The following PCDHA7 variants were observed in gnomAD, a reference collection of about 807,000 sequenced individuals.
PCDHA7 encodes protocadherin alpha-7.
PCDHA7 carries 37 observed loss-of-function variants against 57.2 expected under a neutral mutation model. The observed-to-expected ratio is 0.65, with a 90% CI of 0.50 to 0.85. The LOEUF (loss-of-function observed/expected upper bound fraction) is 0.85, where lower values mean the gene tolerates loss of function less well. Among genes scored for constraint, PCDHA7 ranks in the 40% least tolerant of loss-of-function variants. The pLI is 0.00. For missense variants in PCDHA7, 1,188 were observed against 1,241.8 expected (o/e 0.96, Z 0.65); for synonymous variants, 553 against 558.8 (o/e 0.99, Z 0.15).
intron 3 of PCDHA7, 40 bp downstream of exon 3, chr5:140,982,603 G>A: frequency 6.2e-7 from 1 of 1,607,892 alleles, no homozygotes; most frequent in East Asian, 2.2e-5. Context: ...TTGGTTTCTG[G>A]AAAGTGATCA....
At chr5:140,867,314 G>A (rs2049881742) in intron 1 of PCDHA7, 1 of 151,958 alleles carries the variant, frequency 6.6e-6, no homozygotes, top group Admixed American at 6.6e-5. Flanking sequence ...ACTGTCATCT[G>A]GTCTAATGTT....
At chr5:140,846,834 G>C (rs1780700950) in intron 1 of PCDHA7, among the ~76,000 whole-genome samples, 1 of 149,596 alleles carries the variant, frequency 6.7e-6, no homozygotes, top group Non-Finnish European at 1.5e-5. Flanking sequence ...AAGAATATGA[G>C]TCACACAATG....
chr5:140,899,268 C>T (rs2067238736), intron 1 of PCDHA7, among the ~76,000 whole-genome samples: 1 of 152,078 alleles, frequency 6.6e-6, no homozygotes, highest in Non-Finnish European at 1.5e-5. Context: ...TGTCTTGTGG[C>T]AGTTTTCAAA....
chr5:140,850,760 G>T lies in PCDHA7; in HGVS notation c.2355+14022G>T. 1.3e-6 allele frequency: 2 copies of T among 1,598,100 alleles called. 1 individual carries two copies. The highest frequency in any genetic ancestry group is 1.7e-6 in the Non-Finnish European group (2 of 1,167,646). On this transcript the variant is annotated intron_variant, in intron 1 of 3. Coordinates refer to ENST00000525929, the MANE Select transcript of PCDHA7 (RefSeq NM_018910.3). ...GTTGGTCGTACTCGCAGCAGAGGAGGCAGAGGGTGTGCTCTGGCGAGGGTA... is the reference window on the plus strand; with the variant it reads ...GTTGGTCGTACTCGCAGCAGAGGAGTCAGAGGGTGTGCTCTGGCGAGGGTA...
At position 140,843,258 on chromosome 5, in the gene PCDHA7, G is replaced by T. The variant is rs2150356116; in HGVS notation, c.2355+6520G>T. 2 of 1,596,068 alleles carry T rather than the reference G, an allele frequency of 1.3e-6. 1 individual carries two copies. The highest frequency in any genetic ancestry group is 3.4e-5 in the Admixed American group (2 of 59,332). ...GACGAAGCGGACTCTCCGCGCCACC[G>T]TCTGCTGGTCCTGGTGAAGGATCAT... On this transcript the variant is annotated intron_variant, in intron 1 of 3. Coordinates refer to ENST00000525929, the MANE Select transcript of PCDHA7 (RefSeq NM_018910.3).
intron 1 of PCDHA7, among the ~76,000 whole-genome samples, chr5:140,954,268 A>C (rs1381458746): frequency 2.0e-5 from 3 of 152,224 alleles, no homozygotes; most frequent in African/African-American, 7.2e-5. Flanking sequence ...TCTTTATAAT[A>C]GGATGATTTA....
chr5:140,926,698 C>G, intron 1 of PCDHA7: 2 of 787,702 alleles, frequency 2.5e-6, no homozygotes, highest in Non-Finnish European at 3.6e-6. Context: ...AAGCCCGGCT[C>G]CCAGCTGGCC....
At chr5:140,884,667 G>A (rs1304262646) in intron 1 of PCDHA7, 4 of 1,568,684 alleles carry the variant, frequency 2.5e-6, no homozygotes, top group Non-Finnish European at 2.6e-6. Context: ...AAAGAGGTAA[G>A]CTTATATTTT....
intron 1 of PCDHA7, chr5:140,853,462 C>A: frequency 1.0e-6 from 1 of 971,970 alleles, no homozygotes; most frequent in Non-Finnish European, 1.2e-6. Context: ...TCCTTATATG[C>A]ATCTGTAGTT....
intron 3 of PCDHA7, 146 bp downstream of exon 3, chr5:140,982,709 A>G (rs2096998107): frequency 2.2e-6 from 3 of 1,375,182 alleles, no homozygotes; most frequent in Admixed American, 2.9e-5. Flanking sequence ...ATTTCCTTAC[A>G]TATATGATTA....
chr5:140,928,949 T>C, intron 1 of PCDHA7: 1 of 1,614,066 alleles, frequency 6.2e-7, no homozygotes, highest in Non-Finnish European at 8.5e-7. Flanking sequence ...TATTTAGTAA[T>C]TGCCTTGGCT....
Position 140,835,371 on chromosome 5 carries a change from C to G in PCDHA7, c.988C>G (p.Leu330Val), listed in dbSNP as rs2150234593. The change falls in exon 1 of 4, where the codon CTG (leucine) becomes GTG (valine). Residue 330 changes from leucine (L) to valine (V), a missense_variant. Leu to Val is a conservative substitution (Grantham distance 32, BLOSUM62 1). Around this residue, in one of 3 missense-constraint regions of PCDHA7, gnomAD observed 102 missense variants for 267.4 expected, o/e 0.38. Transcript: ENST00000525929. ...VEAVDKGFPP[L>V]AGHCTVLVEV... ...GGCTGTCGATAAAGGCTTCCCACCCCTGGCTGGTCATTGTACAGTTCTTGT... is the reference window on the plus strand; with the variant it reads ...GGCTGTCGATAAAGGCTTCCCACCCGTGGCTGGTCATTGTACAGTTCTTGT... The G allele has an allele frequency of 8.7e-6, 14 of 1,613,974 alleles. No homozygotes were observed. The highest frequency in any genetic ancestry group is 1.1e-5 in the Non-Finnish European group (13 of 1,179,870).
intron 1 of PCDHA7, chr5:140,871,144 A>T (rs1554165205): frequency 6.2e-7 from 1 of 1,613,222 alleles, no homozygotes; most frequent in African/African-American, 1.3e-5. Context: ...CTCTTCCCGG[A>T]CTTTGGCGGG....
intron 1 of PCDHA7, chr5:140,853,237 A>T: frequency 1.0e-6 from 1 of 980,784 alleles, no homozygotes; most frequent in Non-Finnish European, 1.2e-6. Context: ...TTAGTCCTTC[A>T]TATTAATCTC....
chr5:141,009,760 A>T lies in PCDHA7; in HGVS notation c.2637A>T (p.Gly879=), dbSNP rs782167920. The change falls in exon 4 of 4, where the codon GGA becomes GGT. Residue 879 remains glycine, a synonymous_variant. Transcript: ENST00000525929. ...TGCCCGACAAATTCATTATCCCAGG[A>T]TCTCCTGCAATCATCTCCATCCGGC... ...GELPDKFIIP[G]SPAIISIRQE... is the part of the protein sequence containing the mutation. 1.9e-6 allele frequency: 3 copies of T among 1,614,130 alleles called. No individual in the cohort carries two copies. Among genetic ancestry groups the T allele is most frequent in the Admixed American group, 3.3e-5 (2 of 60,020 alleles).
rs1215014992 is a variant in PCDHA7, at chr5:140,859,892, AT to A, written c.2355+23155del. 2.6e-5 allele frequency: 4 copies of A among 152,144 alleles called. No individual in the cohort carries two copies. The East Asian group carries it at 7.7e-4, about 29-fold the overall frequency. The allele number at this position is 152,144 out of a possible 1,614,324, so 9.4% of individuals were successfully genotyped here. On this transcript the variant is annotated intron_variant, in intron 1 of 3. Transcript: ENST00000525929. ...TCCCCCTCTGATATTTTGAAAAAAAATCTTCCTTAATGTCTTATATTATAAG... is the reference window on the plus strand; with the variant it reads ...TCCCCCTCTGATATTTTGAAAAAAAACTTCCTTAATGTCTTATATTATAAG...
At chr5:140,907,144 G>A (rs1006725502) in intron 1 of PCDHA7, among the ~76,000 whole-genome samples, 17 of 152,104 alleles carry the variant, frequency 1.1e-4, no homozygotes, top group Non-Finnish European at 2.4e-4. Flanking sequence ...CCGGCTATGG[G>A]AGAAACAGTA....
intron 1 of PCDHA7, among the ~76,000 whole-genome samples, chr5:140,976,583 G>A (rs1360171256): frequency 8.6e-5 from 13 of 151,966 alleles, no homozygotes; most frequent in African/African-American, 3.1e-4. Flanking sequence ...ATAAAACACA[G>A]ACTTTTGTGT....
rs1051787265 is a variant in PCDHA7 at position 140,857,050 on chromosome 5, G to A, written c.2355+20312G>A. On this transcript the variant is annotated intron_variant, in intron 1 of 3. Transcript: ENST00000525929. ...ACCCACCTATGGTTGGTCACTGCAC[G>A]GTCCTAGTGGAACTACTGGATGAAA... is the stretch of plus-strand genomic sequence containing the variant. 1.3e-5 allele frequency: 20 copies of A among 1,595,508 alleles called. 1 individual carries two copies. The highest frequency in any genetic ancestry group is 1.7e-5 in the Non-Finnish European group (20 of 1,165,320).
Sources: allele counts gnomAD v4.1 joint callset (sites outside exome capture counted in the v4.1 genomes callset), GRCh38; gene constraint gnomAD v4.1.1; regional missense constraint gnomAD v4.1.1; transcripts MANE v1.5; gene names NCBI Gene and HGNC (gene_info 2026-07-23, HGNC 2026-07-21).